TLK1: variants seen among roughly 807,000 people sequenced by gnomAD.
TLK1 encodes tousled like kinase 1.
TLK1 carries 24 observed loss-of-function variants against 105.3 expected under a neutral mutation model. That is an observed-to-expected ratio of 0.23 (90% CI 0.17 to 0.32). TLK1 has a LOEUF of 0.32. Among genes scored for constraint, TLK1 ranks in the 10% least tolerant of loss-of-function variants. TLK1 has a pLI of 1.00. For missense variants in TLK1, 558 were observed against 910.5 expected (o/e 0.61, Z 4.98); for synonymous variants, 321 against 310.4 (o/e 1.03, Z -0.36).
At chr2:171,103,111 C>G (rs1319603836) in intron 2 of TLK1, among the ~76,000 whole-genome samples, 1 of 151,734 alleles carries the variant, frequency 6.6e-6, no homozygotes, top group African/African-American at 2.4e-5. Flanking sequence ...CGTGGTGGGG[C>G]AGTTGTTAGC....
At chr2:170,998,172 AAT>A (rs1684174591) in intron 18 of TLK1, among the ~76,000 whole-genome samples, 1 of 152,132 alleles carries the variant, frequency 6.6e-6, no homozygotes, top group South Asian at 2.1e-4. Flanking sequence ...TGCAGTATCT[AAT>A]AATAGTAGAA....
chr2:171,073,854 A>G (rs1441001025), intron 3 of TLK1, among the ~76,000 whole-genome samples: 1 of 151,224 alleles, frequency 6.6e-6, no homozygotes, highest in Non-Finnish European at 1.5e-5. Context: ...ATAACAGAGA[A>G]GAGAATAAAC....
intron 10 of TLK1, 116 bp from the exon 11 acceptor site, chr2:171,046,478 T>A: frequency 2.5e-6 from 3 of 1,213,428 alleles, no homozygotes; most frequent in Non-Finnish European, 3.3e-6. Flanking sequence ...CGTAACCTTT[T>A]GGTTCCACTC....
chr2:171,187,068 AAAAAAAAAAAAAAAAG>A (rs1258412131), intron 1 of TLK1, among the ~76,000 whole-genome samples: 6 of 131,660 alleles, frequency 4.6e-5, no homozygotes, highest in East Asian at 2.8e-4. Context: ...AAAAAAAAAA[AAAAAAAAAAAAAAAAG>A]AAAAAGAAAA....
Position 171,228,609 on chromosome 2 carries a change from G to A in TLK1, c.-6+2536C>T, listed in dbSNP as rs548846515. On this transcript the variant is annotated intron_variant, in intron 1 of 20. Transcript: ENST00000521943. Reference sequence around the variant, plus strand: ...TCTTTTATTAAGTAGGTATTATTGTGGTCACTTTACAGATGGGAGAGTTGA... The same window carrying A: ...TCTTTTATTAAGTAGGTATTATTGTAGTCACTTTACAGATGGGAGAGTTGA... Among the ~76,000 whole-genome samples, 23 of 152,244 alleles carry A rather than the reference G, an allele frequency of 1.5e-4. No individual in the cohort carries two copies. The South Asian group carries it at 4.6e-3, about 30-fold the overall frequency.
intron 1 of TLK1, among the ~76,000 whole-genome samples, chr2:171,183,706 T>C (rs1360658476): frequency 6.6e-6 from 1 of 152,248 alleles, no homozygotes; most frequent in African/African-American, 2.4e-5. Flanking sequence ...GTTTAATTGA[T>C]GACCATTGGG....
At chr2:171,123,647 A>G (rs1176524765) in intron 1 of TLK1, among the ~76,000 whole-genome samples, 1 of 152,184 alleles carries the variant, frequency 6.6e-6, no homozygotes, top group Admixed American at 6.5e-5. Context: ...GTCTCTACAA[A>G]AATTAAAAAA....
chr2:171,005,483 C>T (rs572105745), intron 18 of TLK1, among the ~76,000 whole-genome samples: 126 of 152,278 alleles, frequency 8.3e-4, no homozygotes, highest in African/African-American at 2.8e-3. Context: ...CAGTGGCTCA[C>T]GCCTGTAATC....
At chr2:171,217,881 A>G (rs552151632) in intron 1 of TLK1, among the ~76,000 whole-genome samples, 6 of 152,362 alleles carry the variant, frequency 3.9e-5, no homozygotes, top group Admixed American at 1.3e-4. Flanking sequence ...TTGTATGAAC[A>G]TGGACAAAGA....
chr2:171,169,242 G>A (rs537069378), intron 1 of TLK1, among the ~76,000 whole-genome samples: 22 of 152,022 alleles, frequency 1.4e-4, no homozygotes, highest in South Asian at 2.1e-4. Flanking sequence ...TGAAAATAAC[G>A]TAAATGTACA....
rs181232925 is a variant in TLK1, at chr2:171,184,582, C to T, written c.-6+46563G>A. Reference sequence around the variant, plus strand: ...ACTTGAGCCTGGGAGTTGGAGGTTGCGGTGAGCAGAGATCACGCCATTGCA... The same window carrying T: ...ACTTGAGCCTGGGAGTTGGAGGTTGTGGTGAGCAGAGATCACGCCATTGCA... On this transcript the variant is annotated intron_variant, in intron 1 of 20. Transcript: ENST00000521943. Among the ~76,000 whole-genome samples, 69 of 144,996 alleles carry T rather than the reference C, an allele frequency of 4.8e-4. No homozygotes were observed. In the East Asian group the frequency reaches 0.011, roughly 24 times the overall value.
chr2:171,108,085 AC>A (rs759227504), intron 2 of TLK1, among the ~76,000 whole-genome samples: 2,159 of 148,744 alleles, frequency 0.015, 69 homozygotes, highest in African/African-American at 0.046. Context: ...AACAACAACA[AC>A]AAAAAAACAG....
At chr2:171,206,750 C>A (rs544594088) in intron 1 of TLK1, among the ~76,000 whole-genome samples, 2 of 152,228 alleles carry the variant, frequency 1.3e-5, no homozygotes, top group African/African-American at 4.8e-5. Flanking sequence ...TAAAAAGGGA[C>A]CTATCTCACC....
At position 171,046,236 on chromosome 2, in the gene TLK1, C is replaced by T. The variant is rs2105423162; in HGVS notation, c.1107G>A (p.Arg369=). 6.2e-7 allele frequency: 1 copy of T among 1,612,644 alleles called. No individual in the cohort carries two copies. The highest frequency in any genetic ancestry group is 1.1e-5 in the South Asian group (1 of 90,878). The change falls in exon 11 of 21, where the codon AGG becomes AGA. Residue 369 remains arginine (R), a synonymous_variant. Coordinates refer to ENST00000431350, the MANE Select transcript of TLK1 (RefSeq NM_012290.5). ...CTGCTCCATTGACTGCTTTGTTTTTCCTTTGTTTTGGTTCAGAATTGGTAG... is the reference window on the plus strand; with the variant it reads ...CTGCTCCATTGACTGCTTTGTTTTTTCTTTGTTTTGGTTCAGAATTGGTAG... ...APSTNSEPKQ[R]KNKAVNGAEN...
At chr2:171,197,808 T>A (rs908650287) in intron 1 of TLK1, among the ~76,000 whole-genome samples, 1 of 151,732 alleles carries the variant, frequency 6.6e-6, no homozygotes, top group Non-Finnish European at 1.5e-5. Flanking sequence ...CAAAAAACAA[T>A]AAAGAATCAC....
chr2:171,168,634 G>C (rs944019376), intron 1 of TLK1, among the ~76,000 whole-genome samples: 1 of 152,178 alleles, frequency 6.6e-6, no homozygotes, highest in Non-Finnish European at 1.5e-5. Context: ...GGGTTGGAAA[G>C]AACTGGTGTC....
At chr2:171,150,904 A>T (rs1356599813) in intron 1 of TLK1, among the ~76,000 whole-genome samples, 1 of 152,214 alleles carries the variant, frequency 6.6e-6, no homozygotes, top group East Asian at 1.9e-4. Context: ...GTAGTTAACC[A>T]ATTATAGTGC....
chr2:171,156,916 C>G (rs1016785249), intron 1 of TLK1, among the ~76,000 whole-genome samples: 5 of 152,136 alleles, frequency 3.3e-5, no homozygotes, highest in Admixed American at 6.5e-5. Context: ...CCGCAGCCTC[C>G]ACCTCCCAGG....
intron 11 of TLK1, among the ~76,000 whole-genome samples, chr2:171,035,273 C>T (rs1160472606): frequency 3.3e-5 from 5 of 151,098 alleles, no homozygotes; most frequent in South Asian, 2.1e-4. Flanking sequence ...ACCCAGGAGG[C>T]GGAGGTTGCG....
Sources: allele counts gnomAD v4.1 joint callset (sites outside exome capture counted in the v4.1 genomes callset), GRCh38; gene constraint gnomAD v4.1.1; transcripts MANE v1.5; gene names NCBI Gene and HGNC (gene_info 2026-07-23, HGNC 2026-07-21).